The following ASTN2 variants were observed in gnomAD, a reference collection of about 807,000 sequenced individuals.
ASTN2 encodes the protein astrotactin 2.
In ASTN2, 54 loss-of-function variants were observed where a neutral mutation model predicts 139.8. The ratio of observed to expected loss-of-function variants is 0.39; its 90% CI spans 0.31 to 0.48. ASTN2 has a LOEUF of 0.48. Among genes scored for constraint, ASTN2 ranks in the 20% least tolerant of loss-of-function variants. The pLI is 0.95. For synonymous variants in ASTN2, 756 were observed against 719.5 expected, an observed-to-expected ratio of 1.05 and a Z score of -0.81; for missense variants, 1,565 against 1,725.1, an observed-to-expected ratio of 0.91 and a Z score of 1.64.
At chr9:117,080,974 G>A (rs955386917) in intron 5 of ASTN2, among the ~76,000 whole-genome samples, 1 of 152,186 alleles carries the variant, frequency 6.6e-6, no homozygotes, top group African/African-American at 2.4e-5. Flanking sequence ...AGAGAGCCAA[G>A]GGGACTTTCC....
intron 19 of ASTN2, among the ~76,000 whole-genome samples, chr9:116,533,503 T>C (rs1851462115): frequency 6.6e-6 from 1 of 152,224 alleles, no homozygotes; most frequent in Non-Finnish European, 1.5e-5. Flanking sequence ...GGGTTTGTCA[T>C]AAATAGCTCT....
At position 117,222,765 on chromosome 9, in the gene ASTN2, C is replaced by A. The variant is rs549220151; in HGVS notation, c.631-8023G>T. Among the ~76,000 whole-genome samples, 7 of 152,112 alleles carry A rather than the reference C, an allele frequency of 4.6e-5. No homozygotes were observed. The East Asian group carries it at 1.3e-3, about 29-fold the overall frequency. On this transcript the variant is annotated intron_variant, in intron 2 of 22. Transcript: ENST00000313400. ...TTCTTTATCCTCTGCACTCCCACAG[C>A]GCTTCGCCTTAACCCTCACTTAAGG...
rs917460700 is a variant in ASTN2, at chr9:116,835,679, CAT to C, written c.2041-14898_2041-14897del. On this transcript the variant is annotated intron_variant, in intron 11 of 22. Coordinates refer to ENST00000313400, the MANE Select transcript of ASTN2 (RefSeq NM_001365068.1). ...AGCTGCTCCCTGACCACCTTGGGTA[CAT>C]GTTTTCAGGACCTTCTGAGGGCTGT... is the stretch of plus-strand genomic sequence containing the variant. Among the ~76,000 whole-genome samples the C allele has an allele frequency of 1.1e-4, 16 of 152,172 alleles. No homozygotes were observed. In the South Asian group the frequency reaches 1.7e-3, roughly 16 times the overall value.
chr9:116,958,728 G>A (rs757976229), intron 10 of ASTN2, among the ~76,000 whole-genome samples: 3 of 152,064 alleles, frequency 2.0e-5, no homozygotes, highest in Non-Finnish European at 4.4e-5. Context: ...GATGTTCTAG[G>A]ATCATAATAG....
chr9:117,197,169 G>T (rs1831533981), intron 3 of ASTN2: 1 of 152,432 alleles, frequency 6.6e-6, no homozygotes, highest in South Asian at 2.1e-4. Context: ...GATCACCAGG[G>T]TTGATTCAGC....
chr9:116,915,367 C>T (rs1834413712), intron 10 of ASTN2, among the ~76,000 whole-genome samples: 1 of 152,142 alleles, frequency 6.6e-6, no homozygotes, highest in African/African-American at 2.4e-5. Flanking sequence ...ATAATAAGAA[C>T]TATGTATTTG....
At position 116,574,044 on chromosome 9, in the gene ASTN2, G is replaced by A. The variant is rs151217125; in HGVS notation, c.3355+44280C>T. On this transcript the variant is annotated intron_variant, in intron 19 of 22. Transcript: ENST00000313400. ...TGGGAGAATCGGGGAAAACTTCCCAGGGGAAGTGAATTTTAGCTATGCTTT... is the reference window on the plus strand; with the variant it reads ...TGGGAGAATCGGGGAAAACTTCCCAAGGGAAGTGAATTTTAGCTATGCTTT... 1.5e-4 allele frequency among the ~76,000 whole-genome samples: 23 copies of A among 152,300 alleles called. No homozygotes were observed. In the East Asian group the frequency reaches 3.7e-3, roughly 24 times the overall value.
rs1853165968 is a variant in ASTN2, at chr9:116,565,402, TA to T, written c.3355+52921del. Among the ~76,000 whole-genome samples, 2 of 66,604 alleles carry T rather than the reference TA, an allele frequency of 3.0e-5. 1 individual carries two copies. The highest frequency in any genetic ancestry group is 8.1e-4 in the South Asian group (2 of 2,472). 43.7% of individuals were successfully genotyped at this position (66,604 alleles called of 152,430 possible). A position where few individuals can be genotyped will look rare whatever the true frequency, so the allele number is the denominator to read the frequency against. On this transcript the variant is annotated intron_variant, in intron 19 of 22. Coordinates refer to ENST00000313400, the MANE Select transcript of ASTN2 (RefSeq NM_001365068.1). ...CTCTCTCTCTCCATATATATATATA[TA>T]TATATATATATATATATATATATAT...
At position 116,726,039 on chromosome 9, in the gene ASTN2, G is replaced by A. The variant is rs530928121; in HGVS notation, c.2627-89C>T. ...CGGTGGCAGGAGTTCTTCCCAACCT[G>A]TATTTTGTGCCTTACCCCTCAGCAC... On this transcript the variant is annotated intron_variant, in intron 15 of 22. Transcript: ENST00000313400. 3.0e-6 allele frequency: 4 copies of A among 1,334,164 alleles called. No individual in the cohort carries two copies. The East Asian group carries it at 7.0e-5, about 23-fold the overall frequency. The allele number at this position is 1,334,164 out of a possible 1,614,324, so 82.6% of individuals were successfully genotyped here. A position where few individuals can be genotyped will look rare whatever the true frequency, so the allele number is the denominator to read the frequency against.
chr9:116,471,565 G>A (rs951302263), intron 20 of ASTN2, among the ~76,000 whole-genome samples: 4 of 152,038 alleles, frequency 2.6e-5, no homozygotes, highest in African/African-American at 9.7e-5. Flanking sequence ...CTGGCATCCC[G>A]GGGAAAGAGG....
chr9:116,732,032 G>T (rs1588247312), intron 14 of ASTN2, among the ~76,000 whole-genome samples: 2 of 152,166 alleles, frequency 1.3e-5, no homozygotes, highest in East Asian at 3.8e-4. Flanking sequence ...ATTAAGGAAG[G>T]CATAGAAATT....
At chr9:117,073,299 G>T (rs1258361439) in intron 5 of ASTN2, among the ~76,000 whole-genome samples, 2 of 152,084 alleles carry the variant, frequency 1.3e-5, no homozygotes, top group Non-Finnish European at 2.9e-5. Context: ...GCCTCTAGGG[G>T]TGTCTTCTGC....
intron 17 of ASTN2, among the ~76,000 whole-genome samples, chr9:116,646,925 C>G (rs1417228409): frequency 6.6e-6 from 1 of 152,202 alleles, no homozygotes; most frequent in Non-Finnish European, 1.5e-5. Context: ...TTCTCCCAGT[C>G]TCAGCTCCAG....
chr9:116,819,310 C>A (rs1210314917), intron 12 of ASTN2, among the ~76,000 whole-genome samples: 1 of 152,174 alleles, frequency 6.6e-6, no homozygotes, highest in African/African-American at 2.4e-5. Flanking sequence ...GCATAATTTA[C>A]TCAACACTGC....
intron 2 of ASTN2, among the ~76,000 whole-genome samples, chr9:117,220,345 C>A (rs1407197492): frequency 1.3e-5 from 2 of 152,144 alleles, no homozygotes; most frequent in Admixed American, 6.5e-5. Context: ...TCACCCTGGG[C>A]AGTTGGCATC....
intron 11 of ASTN2, among the ~76,000 whole-genome samples, chr9:116,837,154 A>G (rs1241245231): frequency 1.3e-5 from 2 of 152,172 alleles, no homozygotes; most frequent in Non-Finnish European, 2.9e-5. Flanking sequence ...TAGAGTCCAC[A>G]AAAGGAGTCT....
At chr9:116,471,160 T>A (rs1848800297) in intron 20 of ASTN2, among the ~76,000 whole-genome samples, 1 of 152,166 alleles carries the variant, frequency 6.6e-6, no homozygotes. Flanking sequence ...TGTTACAGGC[T>A]ATAGATATGA....
intron 5 of ASTN2, among the ~76,000 whole-genome samples, chr9:117,089,317 A>C (rs552414662): frequency 6.6e-6 from 1 of 152,296 alleles, no homozygotes; most frequent in East Asian, 1.9e-4. Context: ...TCTTTGCTCT[A>C]TGGAGTACTA....
At chr9:117,357,276 A>G (rs980462137) in intron 1 of ASTN2, among the ~76,000 whole-genome samples, 1 of 152,166 alleles carries the variant, frequency 6.6e-6, no homozygotes, top group Non-Finnish European at 1.5e-5. Context: ...ACAATTTTAC[A>G]ATATTTTAAA....
Sources: gnomAD v4.1 joint callset for allele counts (sites outside exome capture counted in the v4.1 genomes callset) on GRCh38, gnomAD v4.1.1 for gene constraint, MANE v1.5 for transcripts, NCBI Gene and HGNC (gene_info 2026-07-23, HGNC 2026-07-21) for gene names.